PROSER3: variants seen among roughly 807,000 people sequenced by gnomAD.
The protein encoded by PROSER3 is proline and serine-rich protein 3.
In PROSER3, 33 loss-of-function variants were observed where a neutral mutation model predicts 50.2. The observed-to-expected ratio is 0.66, with a 90% confidence interval of 0.50 to 0.88. The LOEUF is 0.88. Ranked by LOEUF, PROSER3 falls within the 40% of genes least tolerant of loss-of-function variation. The probability of loss-of-function intolerance (pLI) is 0.00; values close to 1 mark genes in which losing one functional copy is unlikely to be tolerated. For synonymous variants in PROSER3, 266 were observed against 259.3 expected, an observed-to-expected ratio of 1.03 and a Z score of -0.25; for missense variants, 623 against 612.7, an observed-to-expected ratio of 1.02 and a Z score of -0.18.
At chr19:35,764,090 G>A (rs1317569876) in intron 5 of PROSER3, among the ~76,000 whole-genome samples, 5 of 152,010 alleles carry the variant, frequency 3.3e-5, no homozygotes, top group African/African-American at 1.2e-4. Context: ...GCCCGCCTCT[G>A]TGCTTCTCTT....
At chr19:35,770,402 A>G (rs895445097), downstream of PROSER3, among the ~76,000 whole-genome samples, 1 of 150,598 alleles carries the variant, frequency 6.6e-6, no homozygotes, top group African/African-American at 2.5e-5. Context: ...ACCTCAATCT[A>G]GGCTGTCATC....
At chr19:35,758,178 A>C in exon 1 of PROSER3, 2 of 1,553,088 alleles carry the variant, frequency 1.3e-6, no homozygotes, top group Non-Finnish European at 1.7e-6. Context: ...TGTTGGGTGA[A>C]GGAGCAGAGC....
intron 8 of PROSER3, chr19:35,767,137 G>A: frequency 1.3e-6 from 1 of 784,586 alleles, no homozygotes; most frequent in Non-Finnish European, 1.9e-6. Context: ...TCCCACTGTG[G>A]AGCAGTGTGG....
exon 11 of PROSER3, chr19:35,768,591 T>A (rs767329400): frequency 1.3e-6 from 2 of 1,516,444 alleles, no homozygotes; most frequent in Non-Finnish European, 1.8e-6. Flanking sequence ...TTTTTTTTTT[T>A]CATACAGTTA....
chr19:35,760,190 G>C (rs555800797), intron 3 of PROSER3, among the ~76,000 whole-genome samples, 199 bp downstream of exon 3: 54 of 152,156 alleles, frequency 3.5e-4, no homozygotes, highest in Non-Finnish European at 1.2e-4. Flanking sequence ...GTATGATCTT[G>C]GCCTCAGTTT....
chr19:35,766,184 A>G (rs1337685182), intron 7 of PROSER3, among the ~76,000 whole-genome samples: 1 of 152,042 alleles, frequency 6.6e-6, no homozygotes, highest in East Asian at 1.9e-4. Flanking sequence ...GGGAGTGGGT[A>G]GATTCTGGGG....
chr19:35,770,018 C>T (rs917691676), downstream of PROSER3, among the ~76,000 whole-genome samples: 2 of 152,198 alleles, frequency 1.3e-5, no homozygotes, highest in African/African-American at 4.8e-5. Context: ...TATTCTTCTG[C>T]CTCAGCCTCC....
At chr19:35,767,022 AC>A (rs1221964188) in intron 8 of PROSER3, 49 bp from the exon 9 acceptor site, 8 of 1,393,688 alleles carry the variant, frequency 5.7e-6, no homozygotes, top group Non-Finnish European at 6.6e-6. Flanking sequence ...GGGACTGAGG[AC>A]CCTCCACCCT....
chr19:35,769,238 A>G (rs1971272736), downstream of PROSER3: 1 of 151,734 alleles, frequency 6.6e-6, no homozygotes. Context: ...TTTAAAAGAC[A>G]TCTCAAATTC....
chr19:35,759,601 G>A (rs1490458903), intron 2 of PROSER3, 131 bp downstream of exon 2: 9 of 1,010,630 alleles, frequency 8.9e-6, no homozygotes, highest in Non-Finnish European at 1.3e-5. Context: ...CCCTCCCCAC[G>A]GCCCTGCCCT....
At chr19:35,758,285 C>G in intron 1 of PROSER3, 59 bp downstream of exon 1, 1 of 1,544,320 alleles carries the variant, frequency 6.5e-7, no homozygotes, top group Non-Finnish European at 8.7e-7. Flanking sequence ...ACGGCGAGAG[C>G]AGCACAGCCT....
intron 2 of PROSER3, 30 bp from the exon 3 acceptor site, chr19:35,759,757 CTT>C (rs751474207): frequency 2.9e-4 from 440 of 1,538,332 alleles, no homozygotes; most frequent in Non-Finnish European, 3.6e-4. Context: ...AGACCTCACA[CTT>C]TTTCTTCTTG....
exon 2 of PROSER3, chr19:35,759,455 G>A (rs1970881726): frequency 6.2e-7 from 1 of 1,612,746 alleles, no homozygotes; most frequent in Non-Finnish European, 8.5e-7. Context: ...CCCAGAGCCA[G>A]ACCTGGTGTC....
chr19:35,768,420 T>A (rs1396941528), exon 11 of PROSER3: 3 of 1,597,034 alleles, frequency 1.9e-6, no homozygotes, highest in Non-Finnish European at 2.5e-6. Context: ...GGATGCCCGA[T>A]TATCGTTCCT....
chr19:35,761,661 CA>C (rs976648539), intron 3 of PROSER3, among the ~76,000 whole-genome samples: 3 of 151,906 alleles, frequency 2.0e-5, no homozygotes, highest in Non-Finnish European at 2.9e-5. Context: ...AACTCCGTCT[CA>C]AAAAATAAAC....
At chr19:35,761,964 T>A in intron 3 of PROSER3, 55 bp from the exon 4 acceptor site, 1 of 1,504,586 alleles carries the variant, frequency 6.6e-7, no homozygotes, top group Non-Finnish European at 9.0e-7. Flanking sequence ...TAATTATTCT[T>A]ATTATTATTT....
At chr19:35,769,291 G>A (rs1225719634), downstream of PROSER3, 1 of 147,922 alleles carries the variant, frequency 6.8e-6, no homozygotes, top group Non-Finnish European at 1.5e-5. Context: ...CCCTAGGCGT[G>A]CCTCTCCCCA....
At position 35,760,461 on chromosome 19, in the gene PROSER3, A is replaced by G. The variant is rs138417662; in HGVS notation, c.311+470A>G. The stretch of plus-strand genomic sequence containing the variant: ...GCCCAGCCTCAGTTTATTTATCTCT[A>G]AATTGGGTGTTTTGTTTTGTTTTGT... On this transcript the variant is annotated intron_variant, in intron 3 of 10. Coordinates refer to ENST00000396908, the Ensembl canonical transcript of PROSER3. 5.9e-4 allele frequency among the ~76,000 whole-genome samples: 90 copies of G among 152,188 alleles called. No homozygotes were observed. In the Middle Eastern group the frequency reaches 0.01, roughly 17 times the overall value.
At chr19:35,761,814 T>C (rs990394180) in intron 3 of PROSER3, among the ~76,000 whole-genome samples, 41 of 152,114 alleles carry the variant, frequency 2.7e-4, no homozygotes, top group African/African-American at 8.9e-4. Context: ...TGAGCTATGA[T>C]TGCACCACTG....
Sources: gnomAD v4.1 joint callset for allele counts (sites outside exome capture counted in the v4.1 genomes callset) on GRCh38, gnomAD v4.1.1 for gene constraint, MANE v1.5 for transcripts, NCBI Gene and HGNC (gene_info 2026-07-23, HGNC 2026-07-21) for gene names.